The following TOM1L1 variants were observed in gnomAD, a reference collection of about 807,000 sequenced individuals.
TOM1L1 encodes the protein TOM1-like protein 1.
Under a neutral mutation model 63.4 loss-of-function variants are expected in TOM1L1, and 64 were observed. The ratio of observed to expected loss-of-function variants is 1.01; its 90% confidence interval spans 0.83 to 1.24. TOM1L1 has a LOEUF of 1.24. Among genes scored for constraint, TOM1L1 ranks in the 50% most tolerant of loss-of-function variants. TOM1L1 has a pLI of 0.00. For missense variants in TOM1L1, 536 were observed against 567.0 expected (o/e 0.95, Z 0.55); for synonymous variants, 166 against 194.4 (o/e 0.85, Z 1.22).
At chr17:54,925,118 G>A (rs1461426556) in intron 7 of TOM1L1, among the ~76,000 whole-genome samples, 1 of 152,198 alleles carries the variant, frequency 6.6e-6, no homozygotes, top group Non-Finnish European at 1.5e-5. Context: ...GTAATTTGAA[G>A]AAAGCTTAAT....
At chr17:54,950,223 T>C in intron 14 of TOM1L1, 97 bp downstream of exon 14, 1 of 896,458 alleles carries the variant, frequency 1.1e-6, no homozygotes, top group Non-Finnish European at 1.7e-6. Flanking sequence ...TTTGTTTAGG[T>C]CTTGGCAGAA....
intron 8 of TOM1L1, among the ~76,000 whole-genome samples, chr17:54,931,906 A>G (rs1321038758): frequency 6.6e-6 from 1 of 151,876 alleles, no homozygotes; most frequent in African/African-American, 2.4e-5. Context: ...ATGTAAGCCT[A>G]GGAACCATGC....
chr17:54,949,724 T>C, intron 13 of TOM1L1, 101 bp downstream of exon 13: 3 of 993,918 alleles, frequency 3.0e-6, no homozygotes, highest in Non-Finnish European at 4.7e-6. Context: ...AAATTAGAGA[T>C]GCTCTTTTGT....
At chr17:54,927,477 T>C (rs1242397713) in intron 7 of TOM1L1, among the ~76,000 whole-genome samples, 1 of 152,246 alleles carries the variant, frequency 6.6e-6, no homozygotes, top group Non-Finnish European at 1.5e-5. Context: ...AAGAGCCATC[T>C]GGATATCAGA....
At chr17:54,940,708 A>G (rs2049021038) in intron 11 of TOM1L1, among the ~76,000 whole-genome samples, 2 of 152,200 alleles carry the variant, frequency 1.3e-5, no homozygotes, top group African/African-American at 4.8e-5. Flanking sequence ...TGTGTGTAAT[A>G]TATTGCATTT....
intron 14 of TOM1L1, chr17:54,953,755 T>C (rs967906742): frequency 6.6e-6 from 1 of 152,158 alleles, no homozygotes; most frequent in African/African-American, 2.4e-5. Flanking sequence ...CTCTTTACTA[T>C]AGACCTTAAA....
Position 54,937,138 on chromosome 17 carries a change from A to G in TOM1L1, c.945A>G (p.Gln315=). The G allele has an allele frequency of 6.2e-7, 1 of 1,613,654 alleles. No homozygotes were observed. The highest frequency in any genetic ancestry group is 8.5e-7 in the Non-Finnish European group (1 of 1,179,952). The change falls in exon 10 of 16, where the codon CAA becomes CAG. Residue 315 remains glutamine (Q), a synonymous_variant. Coordinates refer to ENST00000575882, the MANE Select transcript of TOM1L1 (RefSeq NM_005486.3). The part of the protein sequence containing the change: ...NTTSEPSAPS[Q]DLLDLSPSPR... ...CCAGTGAGCCTTCTGCCCCATCTCA[A>G]GATCTCCTCGACCTAAGTCCCAGTC...
intron 7 of TOM1L1, among the ~76,000 whole-genome samples, chr17:54,927,831 G>A (rs1231608560): frequency 1.3e-5 from 2 of 152,138 alleles, no homozygotes; most frequent in Admixed American, 6.5e-5. Context: ...TTTTGAAGAC[G>A]TTTTTCACAT....
chr17:54,948,678 T>A (rs937080900), intron 12 of TOM1L1, among the ~76,000 whole-genome samples: 1 of 152,236 alleles, frequency 6.6e-6, no homozygotes, highest in Non-Finnish European at 1.5e-5. Flanking sequence ...ATTGTCTGAG[T>A]CATGAGGGCA....
At chr17:54,903,241 A>G (rs1257272592) in intron 1 of TOM1L1, among the ~76,000 whole-genome samples, 5 of 152,246 alleles carry the variant, frequency 3.3e-5, no homozygotes, top group Non-Finnish European at 1.5e-5. Context: ...AACAACCTAG[A>G]TTTGAATGCC....
intron 9 of TOM1L1, 147 bp from the exon 10 acceptor site, chr17:54,936,962 G>C (rs1261678892): frequency 1.4e-6 from 1 of 726,924 alleles, no homozygotes; most frequent in Non-Finnish European, 2.3e-6. Flanking sequence ...TGGTAAGATG[G>C]GATTCATACT....
intron 7 of TOM1L1, among the ~76,000 whole-genome samples, chr17:54,928,504 G>T (rs2048805221): frequency 6.6e-6 from 1 of 152,152 alleles, no homozygotes; most frequent in Admixed American, 6.5e-5. Flanking sequence ...CATTACACCA[G>T]GGGTATATAA....
At chr17:54,944,214 G>A (rs991670239) in intron 11 of TOM1L1, among the ~76,000 whole-genome samples, 1 of 152,084 alleles carries the variant, frequency 6.6e-6, no homozygotes, top group Non-Finnish European at 1.5e-5. Flanking sequence ...TTGGGAGGAC[G>A]AGGTGGGTGG....
At chr17:54,903,817 AT>A (rs2048365859) in intron 2 of TOM1L1, 25 bp downstream of exon 2, 1 of 1,598,984 alleles carries the variant, frequency 6.3e-7, no homozygotes, top group South Asian at 1.1e-5. Context: ...GTTTCCATGT[AT>A]TTGCCTCTGA....
At chr17:54,929,978 G>A (rs2048830783) in intron 7 of TOM1L1, 95 bp from the exon 8 acceptor site, 1 of 1,498,564 alleles carries the variant, frequency 6.7e-7, no homozygotes, top group Non-Finnish European at 9.2e-7. Flanking sequence ...TACTTAACGT[G>A]GAGGTGACTG....
intron 1 of TOM1L1, 141 bp downstream of exon 1, chr17:54,901,064 C>T: frequency 1.8e-6 from 2 of 1,116,430 alleles, no homozygotes; most frequent in South Asian, 2.9e-5. Context: ...TTTCCCAAGG[C>T]ACCCGCATTC....
intron 8 of TOM1L1, among the ~76,000 whole-genome samples, chr17:54,931,519 G>A (rs2048857716): frequency 6.6e-6 from 1 of 152,150 alleles, no homozygotes; most frequent in Non-Finnish European, 1.5e-5. Context: ...GTATTTATGG[G>A]CCAAGAATGG....
intron 15 of TOM1L1, among the ~76,000 whole-genome samples, 157 bp downstream of exon 15, chr17:54,960,784 T>C (rs1485631002): frequency 6.6e-6 from 1 of 152,204 alleles, no homozygotes; most frequent in Non-Finnish European, 1.5e-5. Context: ...TGCTGAACCA[T>C]TGTTCACTAA....
chr17:54,927,711 G>A (rs971389227), intron 7 of TOM1L1, among the ~76,000 whole-genome samples: 3 of 152,198 alleles, frequency 2.0e-5, no homozygotes, highest in African/African-American at 7.2e-5. Context: ...CTGCTATGGG[G>A]AACTCTGACC....
Sources: gnomAD v4.1 joint callset for allele counts (sites outside exome capture counted in the v4.1 genomes callset) on GRCh38, gnomAD v4.1.1 for gene constraint, MANE v1.5 for transcripts, NCBI Gene and HGNC (gene_info 2026-07-23, HGNC 2026-07-21) for gene names.